ELMO1: variants seen among roughly 807,000 people sequenced by gnomAD.
ELMO1 encodes the protein engulfment and cell motility 1.
A neutral mutation model predicts 98.9 loss-of-function variants in ELMO1; 26 were observed. The observed-to-expected ratio is 0.26, with a 90% CI of 0.19 to 0.36. ELMO1 has a LOEUF of 0.36. ELMO1 is among the 10% of genes least tolerant of loss of function. The pLI, the probability that ELMO1 is intolerant of heterozygous loss-of-function variation, is 1.00. For synonymous variants in ELMO1, 346 were observed against 346.0 expected, an observed-to-expected ratio of 1.00 and a Z score of 0.00; for missense variants, 627 against 935.2, an observed-to-expected ratio of 0.67 and a Z score of 4.30.
chr7:36,969,941 T>C (rs922571863), intron 16 of ELMO1, among the ~76,000 whole-genome samples: 2 of 152,146 alleles, frequency 1.3e-5, no homozygotes, highest in Admixed American at 6.6e-5. Flanking sequence ...TTTAACAAGA[T>C]TTCTATTTTT....
In ELMO1 at chr7:37,292,159, G is replaced by T. The variant is rs141379835; in HGVS notation, c.193-20277C>A. On this transcript the variant is annotated intron_variant, in intron 4 of 21. Transcript: ENST00000310758. ...GAGATGGGGATTCGCTGTGTTGGCC[G>T]GGCTGGTCTCCAGCTCCTAACCGCG... Among the ~76,000 whole-genome samples, 2 of 104,900 alleles carry T rather than the reference G, an allele frequency of 1.9e-5. 1 individual carries two copies. Among genetic ancestry groups the T allele is most frequent in the Non-Finnish European group, 4.8e-5 (2 of 41,470 alleles). 68.8% of individuals were successfully genotyped at this position (104,900 alleles called of 152,430 possible). A position where few individuals can be genotyped will look rare whatever the true frequency, so the allele number is the denominator to read the frequency against.
chr7:36,875,431 TTG>T (rs1803868472), intron 19 of ELMO1, among the ~76,000 whole-genome samples: 1 of 152,190 alleles, frequency 6.6e-6, no homozygotes, highest in Admixed American at 6.5e-5. Flanking sequence ...GGATAAATAC[TTG>T]TGCAGATAAA....
chr7:37,164,238 C>T (rs1789463915), intron 13 of ELMO1, among the ~76,000 whole-genome samples: 1 of 152,112 alleles, frequency 6.6e-6, no homozygotes, highest in Admixed American at 6.5e-5. Context: ...TGGATATTAG[C>T]CCTTTGTCAG....
intron 4 of ELMO1, among the ~76,000 whole-genome samples, chr7:37,314,489 T>G (rs1315787330): frequency 6.8e-6 from 1 of 146,396 alleles, no homozygotes; most frequent in East Asian, 2.0e-4. Context: ...TTATTTCACG[T>G]ACTTTAAGCA....
chr7:37,350,008 G>C (rs1393041458), intron 1 of ELMO1, among the ~76,000 whole-genome samples: 1 of 152,112 alleles, frequency 6.6e-6, no homozygotes, highest in Non-Finnish European at 1.5e-5. Context: ...TGTTTCCCAT[G>C]GGAGCAGCAG....
rs186577881 is a variant in ELMO1, at chr7:37,369,869, T to G, written c.-73-27106A>C. ...ATGGTGCTTTGACATGCTGAACTAA[T>G]GAAGCAGCCTCAAGGTCTCCCTCTG... On this transcript the variant is annotated intron_variant, in intron 1 of 21. Coordinates refer to ENST00000310758, the MANE Select transcript of ELMO1 (RefSeq NM_014800.11). Among the ~76,000 whole-genome samples, 102 of 152,304 alleles carry G rather than the reference T, an allele frequency of 6.7e-4. 3 individuals carry two copies. The East Asian group carries it at 0.018, about 27-fold the overall frequency.
chr7:37,149,893 C>T (rs921054126), intron 13 of ELMO1, among the ~76,000 whole-genome samples: 1 of 152,108 alleles, frequency 6.6e-6, no homozygotes, highest in African/African-American at 2.4e-5. Context: ...GTTTTGTTCC[C>T]CTGGATACTG....
At chr7:37,115,343 T>G (rs1356281924) in intron 14 of ELMO1, among the ~76,000 whole-genome samples, 1 of 152,132 alleles carries the variant, frequency 6.6e-6, no homozygotes, top group Non-Finnish European at 1.5e-5. Context: ...AATGTAAATA[T>G]CCTTCACAAA....
intron 13 of ELMO1, among the ~76,000 whole-genome samples, chr7:37,169,381 A>C (rs1350090780): frequency 6.6e-6 from 1 of 152,142 alleles, no homozygotes; most frequent in African/African-American, 2.4e-5. Context: ...CTCCCTAGTG[A>C]GATGAACCCG....
chr7:37,103,724 C>A (rs1784773945), intron 14 of ELMO1, among the ~76,000 whole-genome samples: 1 of 151,878 alleles, frequency 6.6e-6, no homozygotes, highest in African/African-American at 2.4e-5. Flanking sequence ...AGGCTGGGAG[C>A]AGTGGTTCAT....
At chr7:36,951,682 C>T (rs1787979775) in intron 16 of ELMO1, among the ~76,000 whole-genome samples, 1 of 152,222 alleles carries the variant, frequency 6.6e-6, no homozygotes, top group African/African-American at 2.4e-5. Context: ...CTGGCCACGC[C>T]ATTCAAAATA....
chr7:36,953,493 AT>A (rs1216204305), intron 16 of ELMO1, among the ~76,000 whole-genome samples: 1 of 152,200 alleles, frequency 6.6e-6, no homozygotes, highest in Non-Finnish European at 1.5e-5. Flanking sequence ...TATCCCTATC[AT>A]TTACAGAAAA....
At chr7:37,409,482 CT>C (rs1803907412) in intron 1 of ELMO1, among the ~76,000 whole-genome samples, 1 of 152,310 alleles carries the variant, frequency 6.6e-6, no homozygotes, top group East Asian at 1.9e-4. Flanking sequence ...TATGGTTTGT[CT>C]ATGCTCCATG....
intron 1 of ELMO1, among the ~76,000 whole-genome samples, chr7:37,377,314 T>C (rs919224993): frequency 6.6e-6 from 1 of 151,742 alleles, no homozygotes; most frequent in Non-Finnish European, 1.5e-5. Context: ...GTGGTATGTC[T>C]CACAAGTTTC....
At chr7:36,964,032 A>G (rs1789191883) in intron 16 of ELMO1, among the ~76,000 whole-genome samples, 1 of 152,212 alleles carries the variant, frequency 6.6e-6, no homozygotes, top group Non-Finnish European at 1.5e-5. Context: ...TTATTTGTGT[A>G]GGTTCTTTAT....
In ELMO1 at chr7:36,981,676, G is replaced by A. The variant is rs138340283; in HGVS notation, c.1437+31623C>T. ...ACAGTAAATAGCAGGGCCAAGATAA[G>A]TAAGGATGAAGAAAGAAATGCCACA... On this transcript the variant is annotated intron_variant, in intron 16 of 21. Transcript: ENST00000310758. 5.3e-5 allele frequency among the ~76,000 whole-genome samples: 8 copies of A among 152,288 alleles called. No homozygotes were observed. The East Asian group carries it at 9.6e-4, about 18-fold the overall frequency.
intron 1 of ELMO1, among the ~76,000 whole-genome samples, chr7:37,386,766 A>G (rs566187144): frequency 3.7e-4 from 56 of 152,160 alleles, no homozygotes; most frequent in Non-Finnish European, 7.5e-4. Flanking sequence ...TCTCGGTTTC[A>G]ACAAAGATCC....
intron 4 of ELMO1, among the ~76,000 whole-genome samples, chr7:37,273,653 A>G (rs952490849): frequency 2.0e-5 from 3 of 152,120 alleles, no homozygotes; most frequent in African/African-American, 7.2e-5. Flanking sequence ...ACCACACCCA[A>G]TTTCCAGGAG....
At chr7:36,955,511 C>A (rs1788371223) in intron 16 of ELMO1, among the ~76,000 whole-genome samples, 2 of 152,190 alleles carry the variant, frequency 1.3e-5, no homozygotes, top group Non-Finnish European at 2.9e-5. Context: ...TGCATTATTT[C>A]AGTACAATAA....
Sources: allele counts gnomAD v4.1 joint callset (sites outside exome capture counted in the v4.1 genomes callset), GRCh38; gene constraint gnomAD v4.1.1; transcripts MANE v1.5; gene names NCBI Gene and HGNC (gene_info 2026-07-23, HGNC 2026-07-21).